The following CAST variants were observed in gnomAD, a reference collection of about 807,000 sequenced individuals.
CAST encodes the protein MIR583 host.
CAST carries 76 observed loss-of-function variants against 119.6 expected under a neutral mutation model. The observed-to-expected ratio is 0.64, with a 90% confidence interval of 0.53 to 0.77. CAST has a LOEUF of 0.77. Ranked by LOEUF, CAST falls within the 30% of genes least tolerant of loss-of-function variation. The pLI is 0.00. For synonymous variants in CAST, 319 were observed against 331.6 expected, an observed-to-expected ratio of 0.96 and a Z score of 0.41; for missense variants, 953 against 946.5, an observed-to-expected ratio of 1.01 and a Z score of -0.09.
chr5:96,116,038 T>A, the CAST span, among the ~76,000 whole-genome samples: 4 of 152,036 alleles, frequency 2.6e-5, no homozygotes, highest in African/African-American at 9.7e-5. Flanking sequence ...ACTTTTACCA[T>A]AATCAAGATA....
intron 1 of CAST, among the ~76,000 whole-genome samples, chr5:96,577,883 C>T (rs1746702667): frequency 6.6e-6 from 1 of 152,090 alleles, no homozygotes; most frequent in Admixed American, 6.6e-5. Context: ...TATGTTGATG[C>T]AAAAGTAATT....
chr5:96,362,397 A>C, the CAST span, among the ~76,000 whole-genome samples: 2 of 152,230 alleles, frequency 1.3e-5, no homozygotes, highest in Non-Finnish European at 2.9e-5. Context: ...TAGATCCTTG[A>C]GGAATCACCA....
chr5:96,360,594 T>C, the CAST span, among the ~76,000 whole-genome samples: 1 of 152,326 alleles, frequency 6.6e-6, no homozygotes, highest in Admixed American at 6.5e-5. Context: ...GCTCCTCTGC[T>C]GCAGGTCTGC....
At chr5:96,435,114 G>A in the CAST span, among the ~76,000 whole-genome samples, 1 of 152,226 alleles carries the variant, frequency 6.6e-6, no homozygotes, top group Non-Finnish European at 1.5e-5. Context: ...GACACTAACT[G>A]TGCACTAGCA....
the CAST span, chr5:96,429,217 T>C: frequency 1.1e-5 from 16 of 1,495,692 alleles, no homozygotes; most frequent in African/African-American, 2.8e-5. Flanking sequence ...ACTTACACGA[T>C]CATCATCAGA....
At chr5:96,480,946 A>C in the CAST span, among the ~76,000 whole-genome samples, 1 of 152,210 alleles carries the variant, frequency 6.6e-6, no homozygotes, top group Non-Finnish European at 1.5e-5. Context: ...GAACTAGGGC[A>C]GTAGTTATGG....
At chr5:96,605,573 G>GAAAA (rs200786408) in intron 1 of CAST, among the ~76,000 whole-genome samples, 1 of 151,726 alleles carries the variant, frequency 6.6e-6, no homozygotes, top group East Asian at 1.9e-4. Context: ...TTGCTAGCCT[G>GAAAA]AAAAAAAATA....
the CAST span, among the ~76,000 whole-genome samples, chr5:96,262,964 CTTCTCCT>C: frequency 1.3e-5 from 2 of 152,164 alleles, no homozygotes; most frequent in African/African-American, 2.4e-5. Context: ...CTTACAGCCC[CTTCTCCT>C]TTCTCCTATG....
At chr5:96,400,334 T>C in the CAST span, 1 of 674,508 alleles carries the variant, frequency 1.5e-6, no homozygotes, top group African/African-American at 1.8e-5. Flanking sequence ...TTACTGTTCA[T>C]ATATCTTTTC....
chr5:96,203,044 T>C, the CAST span, among the ~76,000 whole-genome samples: 1 of 152,052 alleles, frequency 6.6e-6, no homozygotes, highest in Non-Finnish European at 1.5e-5. Flanking sequence ...ATAACCACCT[T>C]AGCATCTTTG....
chr5:96,082,463 C>T, the CAST span, among the ~76,000 whole-genome samples: 1 of 152,172 alleles, frequency 6.6e-6, no homozygotes, highest in Non-Finnish European at 1.5e-5. Flanking sequence ...TTCATTCACA[C>T]TCTAGGTCCT....
the CAST span, among the ~76,000 whole-genome samples, chr5:96,249,772 A>T: frequency 6.6e-6 from 1 of 152,236 alleles, no homozygotes; most frequent in Non-Finnish European, 1.5e-5. Flanking sequence ...TTAGGAACTC[A>T]TAGATTCATA....
At chr5:96,101,982 G>T in the CAST span, among the ~76,000 whole-genome samples, 49 of 152,292 alleles carry the variant, frequency 3.2e-4, no homozygotes, top group African/African-American at 1.1e-3. Context: ...TGGCACCCAG[G>T]TTGGGGTGCC....
At chr5:96,535,660 G>A (rs1484901879) in intron 1 of CAST, among the ~76,000 whole-genome samples, 3 of 134,254 alleles carry the variant, frequency 2.2e-5, no homozygotes, top group Non-Finnish European at 4.6e-5. Context: ...TGCAAGCTCC[G>A]CCTCCTGGGT....
the CAST span, among the ~76,000 whole-genome samples, chr5:96,222,503 C>T: frequency 6.6e-5 from 10 of 151,882 alleles, no homozygotes; most frequent in Non-Finnish European, 1.2e-4. Context: ...AACAGGTATA[C>T]GACAAAATGC....
In CAST at chr5:96,773,266, AG is replaced by A. The variant is rs1773110221; in HGVS notation, c.*652del. 6.5e-6 allele frequency: 1 copy of A among 153,482 alleles called. No individual in the cohort carries two copies. The highest frequency in any genetic ancestry group is 2.4e-5 in the African/African-American group (1 of 41,438). The allele number at this position is 153,482 out of a possible 1,614,324, so 9.5% of individuals were successfully genotyped here. A position where few individuals can be genotyped will look rare whatever the true frequency, so the allele number is the denominator to read the frequency against. ...TTTTCAGTTTGAACTCTTCTTTGCCAGGTGTGAGGACTTCTGCATCTTACAG... is the reference window on the plus strand; with the variant it reads ...TTTTCAGTTTGAACTCTTCTTTGCCAGTGTGAGGACTTCTGCATCTTACAG... On this transcript the variant is annotated 3_prime_UTR_variant, in exon 32 of 32. Transcript: ENST00000675179.
At chr5:96,616,421 A>G (rs1471647268) in intron 1 of CAST, among the ~76,000 whole-genome samples, 1 of 152,136 alleles carries the variant, frequency 6.6e-6, no homozygotes, top group Non-Finnish European at 1.5e-5. Flanking sequence ...TCCTCCTGAC[A>G]AGAAGCTTCT....
At chr5:96,446,130 A>C in the CAST span, among the ~76,000 whole-genome samples, 4 of 150,134 alleles carry the variant, frequency 2.7e-5, no homozygotes, top group Non-Finnish European at 5.9e-5. Context: ...AAGTGCTGCG[A>C]TTACAGGCAT....
chr5:96,321,672 C>A, the CAST span, among the ~76,000 whole-genome samples: 1 of 152,158 alleles, frequency 6.6e-6, no homozygotes, highest in African/African-American at 2.4e-5. Flanking sequence ...GCAAATTGCC[C>A]AAGATCACAT....
Sources: gnomAD v4.1 joint callset for allele counts (sites outside exome capture counted in the v4.1 genomes callset) on GRCh38, gnomAD v4.1.1 for gene constraint, MANE v1.5 for transcripts, NCBI Gene and HGNC (gene_info 2026-07-23, HGNC 2026-07-21) for gene names.